Variants in COPB2 observed in about 807,000 individuals in gnomAD.
COPB2 encodes coat protein complex I subunit beta 2, also known as coatomer subunit beta'.
A neutral mutation model predicts 120.8 loss-of-function variants in COPB2; 16 were observed. The ratio of observed to expected loss-of-function variants is 0.13; its 90% CI spans 0.09 to 0.20. The LOEUF is 0.20. Among genes scored for constraint, COPB2 ranks in the 10% least tolerant of loss-of-function variants. The pLI is 1.00. For synonymous variants in COPB2, 332 were observed against 366.3 expected (o/e 0.91, Z 1.07); for missense variants, 794 against 1,076.5 (o/e 0.74, Z 3.67).
In COPB2 at chr3:139,359,084, C is replaced by T; in HGVS notation, c.2398G>A (p.Gly800Arg). The change falls in exon 19 of 22, where the codon GGA becomes AGA. Residue 800 changes from glycine (G) to arginine (R), a missense_variant. Gly to Arg is a moderately radical substitution (Grantham distance 125). Around this residue, in one of 3 missense-constraint regions of COPB2, gnomAD observed 178 missense variants for 183.2 expected, o/e 0.97. Coordinates refer to ENST00000333188, the MANE Select transcript of COPB2 (RefSeq NM_004766.3). The stretch of plus-strand genomic sequence containing the variant: ...TCAACAACAAAGGCTTCTTTTAATC[C>T]AGGGAACAGGTTTTCATACTCTGTT... ...DPTEYENLFP[G>R]LKEAFVVEEW... The T allele has an allele frequency of 6.2e-7, 1 of 1,614,074 alleles. No individual in the cohort carries two copies. The highest frequency in any genetic ancestry group is 8.5e-7 in the Non-Finnish European group (1 of 1,180,010).
chr3:139,360,973 C>T, intron 17 of COPB2, 108 bp downstream of exon 17: 3 of 1,233,076 alleles, frequency 2.4e-6, no homozygotes, highest in Non-Finnish European at 3.5e-6. Context: ...CCCGTCTATT[C>T]AACACCATTT....
intron 9 of COPB2, 48 bp downstream of exon 9, chr3:139,373,165 T>A: frequency 6.3e-7 from 1 of 1,577,512 alleles, no homozygotes; most frequent in Non-Finnish European, 8.7e-7. Flanking sequence ...TCTGCAAACC[T>A]GTTCTAACAT....
In COPB2 at chr3:139,373,687, A is replaced by G. The variant is rs1330784036; in HGVS notation, c.873T>C (p.Asp291=). The part of the protein sequence containing the change: ...RGSNNVALGY[D]EGSIIVKLGR... ...TTACCTTAACAATGATGCTCCCTTC[A>G]TCATAGCCCAAAGCGACATTGTTTG... Residue 291 remains aspartate, a synonymous_variant, in exon 8 of 22, where the codon GAT becomes GAC. Transcript: ENST00000333188. 27 of 1,614,036 alleles carry G rather than the reference A, an allele frequency of 1.7e-5. No individual in the cohort carries two copies. The Admixed American group carries it at 2.7e-4, about 16-fold the overall frequency.
At chr3:139,363,635 A>G (rs1282346509) in intron 15 of COPB2, among the ~76,000 whole-genome samples, 3 of 152,340 alleles carry the variant, frequency 2.0e-5, no homozygotes, top group Middle Eastern at 3.4e-3. Flanking sequence ...GTAATGTGTT[A>G]CACAAAAAGC....
intron 15 of COPB2, among the ~76,000 whole-genome samples, chr3:139,366,204 A>G (rs886367833): frequency 6.6e-6 from 1 of 152,226 alleles, no homozygotes; most frequent in Non-Finnish European, 1.5e-5. Flanking sequence ...AAAACATTAC[A>G]TAAGAAAAAG....
chr3:139,374,171 C>T, intron 7 of COPB2: 1 of 423,308 alleles, frequency 2.4e-6, no homozygotes, highest in South Asian at 3.1e-5. Flanking sequence ...ACATTCATGA[C>T]ATAACAGAGC....
chr3:139,379,304 CA>C, intron 3 of COPB2, 75 bp downstream of exon 3: 2 of 1,569,816 alleles, frequency 1.3e-6, no homozygotes, highest in Non-Finnish European at 1.7e-6. Flanking sequence ...AATCGGGAAT[CA>C]AAATCCTGCA....
At chr3:139,365,154 G>C (rs548403528) in intron 15 of COPB2, among the ~76,000 whole-genome samples, 5 of 152,036 alleles carry the variant, frequency 3.3e-5, no homozygotes, top group Non-Finnish European at 7.4e-5. Flanking sequence ...TAGGACATAA[G>C]TTTCCCATTA....
chr3:139,379,566 C>T (rs1198322850), intron 2 of COPB2, 100 bp from the exon 3 acceptor site: 19 of 927,326 alleles, frequency 2.0e-5, no homozygotes, highest in Non-Finnish European at 2.8e-5. Context: ...GATCACTTCT[C>T]ATTTTAGTAT....
intron 16 of COPB2, among the ~76,000 whole-genome samples, chr3:139,361,655 A>G (rs1941422318): frequency 6.6e-6 from 1 of 152,234 alleles, no homozygotes; most frequent in African/African-American, 2.4e-5. Flanking sequence ...AAAGCATACA[A>G]AACTACGTCT....
chr3:139,360,358 T>C (rs761265799), intron 17 of COPB2, among the ~76,000 whole-genome samples: 5 of 151,812 alleles, frequency 3.3e-5, no homozygotes, highest in Non-Finnish European at 5.9e-5. Context: ...ACCCCATCTC[T>C]ATTAAAAACA....
At chr3:139,366,217 A>C (rs1004765312) in intron 15 of COPB2, among the ~76,000 whole-genome samples, 12 of 152,152 alleles carry the variant, frequency 7.9e-5, no homozygotes, top group African/African-American at 2.7e-4. Flanking sequence ...AGAAAAAGTC[A>C]TGTCATGGTA....
rs536729313 is a variant in COPB2, at chr3:139,360,472, C to A, written c.2210+609G>T. ...GACAGAGGCTGCAATTAGCCGAGAT[C>A]ATGCCACTGCACTCCAGCCTGGGCA... On this transcript the variant is annotated intron_variant, in intron 17 of 21. Coordinates refer to ENST00000333188, the MANE Select transcript of COPB2 (RefSeq NM_004766.3). 5.9e-5 allele frequency among the ~76,000 whole-genome samples: 8 copies of A among 135,820 alleles called. No individual in the cohort carries two copies. In the South Asian group the frequency reaches 1.9e-3, roughly 33 times the overall value. The allele number at this position is 135,820 out of a possible 152,430, so 89.1% of individuals were successfully genotyped here. A position where few individuals can be genotyped will look rare whatever the true frequency, so the allele number is the denominator to read the frequency against.
Position 139,379,647 on chromosome 3 carries a change from C to T in COPB2, c.142-181G>A, listed in dbSNP as rs554862681. On this transcript the variant is annotated intron_variant, in intron 2 of 21. Coordinates refer to ENST00000333188, the MANE Select transcript of COPB2 (RefSeq NM_004766.3). ...AAGACCAACTATCTTTTAATAGATT[C>T]GAAATTAAAACACTTTTTAAAAGAT... The T allele has an allele frequency of 1.5e-4, 84 of 552,530 alleles. 1 individual carries two copies. Among genetic ancestry groups the T allele is most frequent in the African/African-American group, 1.4e-3 (71 of 51,582 alleles). 34.2% of individuals were successfully genotyped at this position (552,530 alleles called of 1,614,324 possible).
chr3:139,387,396 T>G (rs1177180643), intron 1 of COPB2, among the ~76,000 whole-genome samples: 5 of 152,238 alleles, frequency 3.3e-5, no homozygotes, highest in Admixed American at 3.3e-4. Context: ...ATGATTAGGA[T>G]GCTCACACTG....
rs767014319 is a variant in COPB2 at position 139,358,003 on chromosome 3, A to T, written c.2626-45T>A. ...GGTAATTAAGTTTTACAGTACTGTT[A>T]AAGGAAAGTTATCCGTGGGTTCATG... is the stretch of plus-strand genomic sequence containing the variant. On this transcript the variant is annotated intron_variant, in intron 21 of 21. Coordinates refer to ENST00000333188, the MANE Select transcript of COPB2 (RefSeq NM_004766.3). The T allele has an allele frequency of 2.6e-5, 31 of 1,212,456 alleles. No homozygotes were observed. The African/African-American group carries it at 4.1e-4, about 16-fold the overall frequency. 75.1% of individuals were successfully genotyped at this position (1,212,456 alleles called of 1,614,324 possible).
chr3:139,363,536 C>T (rs532537260), intron 15 of COPB2, among the ~76,000 whole-genome samples: 1 of 152,244 alleles, frequency 6.6e-6, no homozygotes, highest in East Asian at 1.9e-4. Context: ...GGTTGGGGAC[C>T]ACTGTTTTAA....
rs771491387 is a variant in COPB2 at position 139,378,172 on chromosome 3, G to A, written c.373C>T (p.Leu125Phe). Residue 125 changes from leucine (L) to phenylalanine (F), a missense_variant, in exon 5 of 22, where the codon CTC (leucine) becomes TTC (phenylalanine). This residue lies in a region of COPB2 where 610 missense variants were observed against 866.7 expected (regional missense o/e 0.70). Coordinates refer to ENST00000333188, the MANE Select transcript of COPB2 (RefSeq NM_004766.3). ...GACCATTTTTTATCCCAGTCCCAGAGCTTAATAAGCATGTCATCTAGGCCA... is the reference window on the plus strand; with the variant it reads ...GACCATTTTTTATCCCAGTCCCAGAACTTAATAAGCATGTCATCTAGGCCA... Reference protein sequence around the residue: ...LTSSDDMLIKLWDWDKKWSCS... With the variant: ...LTSSDDMLIKFWDWDKKWSCS... The A allele has an allele frequency of 6.4e-7, 1 of 1,571,712 alleles. No individual in the cohort carries two copies. Among genetic ancestry groups the A allele is most frequent in the South Asian group, 1.2e-5 (1 of 85,976 alleles).
intron 1 of COPB2, among the ~76,000 whole-genome samples, chr3:139,388,973 G>A (rs1012507254): frequency 6.6e-6 from 1 of 152,056 alleles, no homozygotes; most frequent in Non-Finnish European, 1.5e-5. Context: ...ATTTGCAAAT[G>A]CATAAAAGCA....
Sources: gnomAD v4.1 joint callset for allele counts (sites outside exome capture counted in the v4.1 genomes callset) on GRCh38, gnomAD v4.1.1 for gene constraint, gnomAD v4.1.1 regional missense constraint, MANE v1.5 for transcripts, NCBI Gene and HGNC (gene_info 2026-07-23, HGNC 2026-07-21) for gene names.